Variants in CNST observed in about 807,000 individuals in gnomAD.
CNST encodes the protein consortin, connexin sorting protein, also known as consortin.
Under a neutral mutation model 72.4 loss-of-function variants are expected in CNST, and 39 were observed. The ratio of observed to expected loss-of-function variants is 0.54; its 90% CI spans 0.42 to 0.70. The LOEUF (loss-of-function observed/expected upper bound fraction) is 0.70, where lower values mean the gene tolerates loss of function less well. Ranked by LOEUF, CNST falls within the 30% of genes least tolerant of loss-of-function variation. The probability of loss-of-function intolerance (pLI) is 0.00; values close to 1 mark genes in which losing one functional copy is unlikely to be tolerated. For synonymous variants in CNST, 332 were observed against 320.1 expected (o/e 1.04, Z -0.40); for missense variants, 871 against 868.5 (o/e 1.00, Z -0.04).
chr1:246,608,381 A>G (rs1663064325), intron 2 of CNST, among the ~76,000 whole-genome samples: 1 of 152,200 alleles, frequency 6.6e-6, no homozygotes, highest in Non-Finnish European at 1.5e-5. Context: ...AGCATCACAA[A>G]TTGCATGCTT....
rs1056454068 is a variant in CNST, at chr1:246,668,442, G to A, written c.*2537G>A. On this transcript the variant is annotated 3_prime_UTR_variant, in exon 11 of 11. Coordinates refer to ENST00000366513, the MANE Select transcript of CNST (RefSeq NM_152609.3). The stretch of plus-strand genomic sequence containing the variant: ...GTTGATCTGGCCCTACAAGTAGACA[G>A]TCATCTACTTTGGGAAGACTAATAG... 3.3e-5 allele frequency: 5 copies of A among 152,170 alleles called. No homozygotes were observed. The highest frequency in any genetic ancestry group is 7.3e-5 in the Non-Finnish European group (5 of 68,040). 9.4% of individuals were successfully genotyped at this position (152,170 alleles called of 1,614,324 possible).
Position 246,591,521 on chromosome 1 carries a change from G to A in CNST, c.-42G>A, listed in dbSNP as rs79040146. 16,129 of 1,608,334 alleles carry A rather than the reference G, an allele frequency of 0.01. 100 individuals carry two copies. The highest frequency in any genetic ancestry group is 0.012 in the Non-Finnish European group (14,668 of 1,175,924). On this transcript the variant is annotated 5_prime_UTR_variant, in exon 2 of 11. Transcript: ENST00000366513. Reference sequence around the variant, plus strand: ...CTTTTTGTCATTGTAGACATGGAAGGTCTTTAATGTAACTTTAAATGGTTC... The same window carrying A: ...CTTTTTGTCATTGTAGACATGGAAGATCTTTAATGTAACTTTAAATGGTTC...
At chr1:246,649,968 T>G (rs1666360777) in intron 9 of CNST, among the ~76,000 whole-genome samples, 1 of 151,850 alleles carries the variant, frequency 6.6e-6, no homozygotes. Flanking sequence ...GCATTTCTCC[T>G]GTATATTTCA....
chr1:246,653,151 T>C (rs188810624), intron 9 of CNST, among the ~76,000 whole-genome samples: 6 of 152,294 alleles, frequency 3.9e-5, no homozygotes, highest in African/African-American at 9.6e-5. Flanking sequence ...AAGTTCACAG[T>C]GTCTAGTGGG....
chr1:246,576,670 T>C (rs1215541763), intron 1 of CNST, among the ~76,000 whole-genome samples: 2 of 151,770 alleles, frequency 1.3e-5, no homozygotes, highest in Non-Finnish European at 2.9e-5. Context: ...ATTTTTGTAT[T>C]TTTAATAGAG....
chr1:246,659,312 A>T (rs1313079171), intron 9 of CNST, among the ~76,000 whole-genome samples: 1 of 152,148 alleles, frequency 6.6e-6, no homozygotes, highest in Non-Finnish European at 1.5e-5. Context: ...AATATGTCCC[A>T]GGCCGGGTGC....
chr1:246,614,384 C>T (rs977056999), intron 2 of CNST, among the ~76,000 whole-genome samples: 1 of 152,112 alleles, frequency 6.6e-6, no homozygotes, highest in Non-Finnish European at 1.5e-5. Flanking sequence ...TGGAGCATGT[C>T]GGATTTCAGA....
At chr1:246,642,165 T>G (rs1665762301) in intron 8 of CNST, 128 bp downstream of exon 8, 1 of 531,602 alleles carries the variant, frequency 1.9e-6, no homozygotes. Flanking sequence ...GCACTTACAT[T>G]TTTGTACATA....
In CNST at chr1:246,633,859, G is replaced by A. The variant is rs992633789; in HGVS notation, c.617-65G>A. On this transcript the variant is annotated intron_variant, in intron 4 of 10. Transcript: ENST00000366513. ...AATTTCTCAACATCTATAGGACATT[G>A]TTCTTCAAATATGGGAATAATGTAA... 4 of 1,090,738 alleles carry A rather than the reference G, an allele frequency of 3.7e-6. No individual in the cohort carries two copies. The African/African-American group carries it at 6.2e-5, about 17-fold the overall frequency. The allele number at this position is 1,090,738 out of a possible 1,614,324, so 67.6% of individuals were successfully genotyped here.
At chr1:246,612,108 A>G (rs1663357819) in intron 2 of CNST, among the ~76,000 whole-genome samples, 1 of 152,236 alleles carries the variant, frequency 6.6e-6, no homozygotes, top group African/African-American at 2.4e-5. Flanking sequence ...AGGGGAATGA[A>G]GAATTAGTAT....
chr1:246,641,920 T>C (rs756880893), intron 7 of CNST, 21 bp from the exon 8 acceptor site: 3 of 1,581,044 alleles, frequency 1.9e-6, no homozygotes, highest in East Asian at 4.5e-5. Flanking sequence ...AAGTTGGGTT[T>C]TCTTGTTTTA....
chr1:246,576,986 T>G (rs577268484), intron 1 of CNST, among the ~76,000 whole-genome samples: 52 of 152,112 alleles, frequency 3.4e-4, no homozygotes, highest in African/African-American at 1.2e-3. Flanking sequence ...TTCTAACATG[T>G]TTTTACCTTA....
chr1:246,628,061 G>A (rs1214572599), intron 3 of CNST, among the ~76,000 whole-genome samples: 1 of 152,150 alleles, frequency 6.6e-6, no homozygotes, highest in East Asian at 1.9e-4. Flanking sequence ...GTCGAGGGCA[G>A]GAAACATCCA....
intron 9 of CNST, among the ~76,000 whole-genome samples, chr1:246,649,790 T>C (rs1666349815): frequency 6.6e-6 from 1 of 151,146 alleles, no homozygotes. Flanking sequence ...CAATTTTTGC[T>C]TCTGCCTGAA....
intron 4 of CNST, chr1:246,632,336 C>T: frequency 1.4e-5 from 4 of 284,598 alleles, no homozygotes; most frequent in Non-Finnish European, 1.4e-5. Flanking sequence ...CGGGACATTG[C>T]CGCCCCCGTG....
chr1:246,611,569 A>G (rs542435587), intron 2 of CNST, among the ~76,000 whole-genome samples: 1 of 152,344 alleles, frequency 6.6e-6, no homozygotes, highest in African/African-American at 2.4e-5. Flanking sequence ...CAAACCAATT[A>G]ATCTTTGGGA....
intron 3 of CNST, among the ~76,000 whole-genome samples, chr1:246,622,892 C>T (rs1377958985): frequency 6.6e-6 from 1 of 152,140 alleles, no homozygotes; most frequent in Non-Finnish European, 1.5e-5. Context: ...GGCATGATCT[C>T]AGCTCACTGT....
intron 6 of CNST, among the ~76,000 whole-genome samples, chr1:246,641,217 C>G (rs1367179772): frequency 6.6e-6 from 1 of 152,108 alleles, no homozygotes; most frequent in African/African-American, 2.4e-5. Context: ...TATTAGTAGA[C>G]TTTTAGGATG....
At chr1:246,664,602 A>G (rs920566551) in intron 10 of CNST, among the ~76,000 whole-genome samples, 1 of 151,594 alleles carries the variant, frequency 6.6e-6, no homozygotes. Context: ...GATTTTTTAT[A>G]TTTTTAGTAG....
Sources: allele counts gnomAD v4.1 joint callset (sites outside exome capture counted in the v4.1 genomes callset), GRCh38; gene constraint gnomAD v4.1.1; transcripts MANE v1.5; gene names NCBI Gene and HGNC (gene_info 2026-07-23, HGNC 2026-07-21).